The following CCDC83 variants were observed in gnomAD, a reference collection of about 807,000 sequenced individuals.
CCDC83 encodes coiled-coil domain containing 83, also known as coiled-coil domain-containing protein 83.
In CCDC83, 54 loss-of-function variants were observed where a neutral mutation model predicts 50.1. The observed-to-expected ratio is 1.08, with a 90% CI of 0.87 to 1.35. CCDC83 has a LOEUF of 1.35. Among genes scored for constraint, CCDC83 ranks in the 40% most tolerant of loss-of-function variants. The pLI is 0.00. For synonymous variants in CCDC83, 161 were observed against 153.3 expected (o/e 1.05, Z -0.37); for missense variants, 518 against 473.9 (o/e 1.09, Z -0.86).
At chr11:85,869,553 A>T (rs2093226052) in intron 2 of CCDC83, among the ~76,000 whole-genome samples, 1 of 152,246 alleles carries the variant, frequency 6.6e-6, no homozygotes, top group South Asian at 2.1e-4. Context: ...ACACATTACT[A>T]ACATTTTAAC....
chr11:85,900,026 G>C (rs1256739172), intron 7 of CCDC83, among the ~76,000 whole-genome samples: 3 of 152,192 alleles, frequency 2.0e-5, no homozygotes, highest in African/African-American at 7.2e-5. Flanking sequence ...GTAGATGTGA[G>C]AGTATGTTGT....
At chr11:85,888,569 GT>G (rs1366917061) in intron 5 of CCDC83, among the ~76,000 whole-genome samples, 1 of 151,954 alleles carries the variant, frequency 6.6e-6, no homozygotes, top group East Asian at 1.9e-4. Flanking sequence ...TTTGTCATTA[GT>G]TTTTTTGTTT....
intron 3 of CCDC83, among the ~76,000 whole-genome samples, chr11:85,879,101 A>G (rs2093284709): frequency 6.6e-6 from 1 of 152,198 alleles, no homozygotes; most frequent in Non-Finnish European, 1.5e-5. Context: ...CCTCACAAAA[A>G]GGTCTGTAAC....
intron 5 of CCDC83, among the ~76,000 whole-genome samples, chr11:85,888,228 A>G (rs1285424593): frequency 6.6e-6 from 1 of 152,260 alleles, no homozygotes; most frequent in African/African-American, 2.4e-5. Context: ...GTGGCCCTCC[A>G]TAAAGGTTGT....
At chr11:85,856,329 T>C (rs1209936275) in intron 1 of CCDC83, among the ~76,000 whole-genome samples, 2 of 152,188 alleles carry the variant, frequency 1.3e-5, no homozygotes, top group Non-Finnish European at 2.9e-5. Flanking sequence ...GACTCACTAC[T>C]GCTATTTGAA....
intron 8 of CCDC83, chr11:85,912,499 T>C (rs1340267574): frequency 7.6e-6 from 5 of 655,428 alleles, no homozygotes; most frequent in Admixed American, 6.9e-5. Context: ...GATACCAATA[T>C]AGATGAGGTG....
chr11:85,887,181 G>A (rs999539218), intron 5 of CCDC83, among the ~76,000 whole-genome samples: 17 of 152,162 alleles, frequency 1.1e-4, no homozygotes, highest in African/African-American at 3.9e-4. Context: ...ATGCCGTCAG[G>A]AGCAATGAAG....
At chr11:85,892,460 CG>C (rs1369125863) in intron 5 of CCDC83, among the ~76,000 whole-genome samples, 2 of 152,066 alleles carry the variant, frequency 1.3e-5, no homozygotes, top group Admixed American at 6.6e-5. Context: ...AGAAGAAAAA[CG>C]GTCCATACAC....
At chr11:85,882,713 C>T in intron 4 of CCDC83, 38 bp downstream of exon 4, 2 of 1,570,272 alleles carry the variant, frequency 1.3e-6, no homozygotes, top group Non-Finnish European at 1.7e-6. Context: ...TAGAGTTGTG[C>T]CAAGTTATTT....
At chr11:85,889,974 T>A (rs567232228) in intron 5 of CCDC83, among the ~76,000 whole-genome samples, 1 of 152,138 alleles carries the variant, frequency 6.6e-6, no homozygotes, top group Admixed American at 6.5e-5. Context: ...TACAAGAAGT[T>A]AGAGAGGCCA....
At chr11:85,877,392 G>T (rs2093275243) in intron 3 of CCDC83, among the ~76,000 whole-genome samples, 1 of 152,108 alleles carries the variant, frequency 6.6e-6, no homozygotes, top group Non-Finnish European at 1.5e-5. Flanking sequence ...AGATGCTTGA[G>T]CCCAGGAGTT....
rs1027113948 is a variant in CCDC83, at chr11:85,859,023, T to A, written c.-29+3439T>A. 1.3e-5 allele frequency among the ~76,000 whole-genome samples: 2 copies of A among 151,984 alleles called. 1 individual carries two copies. The highest frequency in any genetic ancestry group is 1.3e-4 in the Admixed American group (2 of 15,268). On this transcript the variant is annotated intron_variant, in intron 1 of 10. Transcript: ENST00000342404. ...GGCCATAAAAACATAAAAGCAAGCA[T>A]AGATCTGCTACCACTTTGTAACAAG...
chr11:85,897,971 A>C (rs1181120911), intron 6 of CCDC83, among the ~76,000 whole-genome samples: 1 of 152,144 alleles, frequency 6.6e-6, no homozygotes. Context: ...AGCCTGGCCA[A>C]CATGGTGAAA....
At chr11:85,855,665 A>T (rs2093135129) in intron 1 of CCDC83, 81 bp downstream of exon 1, 1 of 152,262 alleles carries the variant, frequency 6.6e-6, no homozygotes, top group African/African-American at 2.4e-5. Flanking sequence ...TTCCATTCTT[A>T]TGAGGCTTTA....
chr11:85,858,711 T>C (rs2093157036), intron 1 of CCDC83, among the ~76,000 whole-genome samples: 1 of 152,070 alleles, frequency 6.6e-6, no homozygotes, highest in Non-Finnish European at 1.5e-5. Flanking sequence ...ACAAAGCCCA[T>C]ATACTTTACC....
At chr11:85,916,401 C>A in intron 10 of CCDC83, 168 bp downstream of exon 10, 1 of 616,720 alleles carries the variant, frequency 1.6e-6, no homozygotes. Flanking sequence ...CATTTTCACT[C>A]CTACTCTTGC....
At chr11:85,911,423 G>T (rs372435399) in intron 8 of CCDC83, 21 bp downstream of exon 8, 23 of 1,535,122 alleles carry the variant, frequency 1.5e-5, no homozygotes, top group Non-Finnish European at 1.9e-5. Flanking sequence ...TTAATATATA[G>T]AGAGTATTTT....
At chr11:85,886,718 G>C (rs2093328624) in intron 5 of CCDC83, among the ~76,000 whole-genome samples, 2 of 152,088 alleles carry the variant, frequency 1.3e-5, no homozygotes, top group Non-Finnish European at 2.9e-5. Flanking sequence ...TTTGAGACCA[G>C]CCTGGGCAAC....
At chr11:85,859,158 T>TAAAAA (rs55964668) in intron 1 of CCDC83, among the ~76,000 whole-genome samples, 82 of 68,708 alleles carry the variant, frequency 1.2e-3, no homozygotes, top group African/African-American at 3.3e-3. Context: ...CTTGGTGCCT[T>TAAAAA]AAAAAAAAAA....
Sources: allele counts gnomAD v4.1 joint callset (sites outside exome capture counted in the v4.1 genomes callset), GRCh38; gene constraint gnomAD v4.1.1; transcripts MANE v1.5; gene names NCBI Gene and HGNC (gene_info 2026-07-23, HGNC 2026-07-21).